NUDT13: variants seen among roughly 807,000 people sequenced by gnomAD.
NUDT13 encodes the protein NAD(P)H pyrophosphatase NUDT13, mitochondrial.
A neutral mutation model predicts 41.7 loss-of-function variants in NUDT13; 40 were observed. The observed-to-expected ratio is 0.96, with a 90% CI of 0.75 to 1.25. The LOEUF is 1.25. Ranked by LOEUF, NUDT13 falls within the 50% of genes most tolerant of loss-of-function variation. The pLI, the probability that NUDT13 is intolerant of heterozygous loss-of-function variation, is 0.00. For missense variants in NUDT13, 390 were observed against 416.1 expected (o/e 0.94, Z 0.55); for synonymous variants, 145 against 155.5 (o/e 0.93, Z 0.50).
At chr10:73,125,074 C>CAAAT (rs750797900) in intron 5 of NUDT13, 44 bp from the exon 6 acceptor site, 41 of 1,568,248 alleles carry the variant, frequency 2.6e-5, no homozygotes, top group Non-Finnish European at 3.4e-5. Context: ...AGATGAGCCC[C>CAAAT]GCATTCTCTC....
In NUDT13 at chr10:73,125,211, T is replaced by C. The variant is rs1164778418; in HGVS notation, c.559T>C (p.Cys187Arg). The change falls in exon 6 of 9, where the codon TGC becomes CGC. Residue 187 changes from cysteine (C) to arginine (R), a missense_variant. Coordinates refer to ENST00000357321, the MANE Select transcript of NUDT13 (RefSeq NM_015901.6). The stretch of plus-strand genomic sequence containing the variant: ...GAACGTGGCTGGCAGCAAGCGTGTG[T>C]GCCCTTCCAATAATATAATCTATTA... ...KKNVAGSKRV[C>R]PSNNIIYYPQ... 1.9e-6 allele frequency: 3 copies of C among 1,612,884 alleles called. No homozygotes were observed. Among genetic ancestry groups the C allele is most frequent in the African/African-American group, 2.7e-5 (2 of 74,718 alleles).
At chr10:73,122,828 C>T (rs531605796) in intron 4 of NUDT13, among the ~76,000 whole-genome samples, 1 of 151,588 alleles carries the variant, frequency 6.6e-6, no homozygotes, top group East Asian at 1.9e-4. Context: ...GCAATCCTCC[C>T]TCCTTGGCCT....
Position 73,120,052 on chromosome 10 carries a change from T to C in NUDT13, c.118T>C (p.Cys40Arg). ...LFELKEDDDA[C>R]KKAQQTGAFY... ...TGAACTGAAGGAAGATGATGATGCA[T>C]GTAAAAAAGCCCAGCAAACAGGAGC... The change falls in exon 3 of 9, where the codon TGT becomes CGT. Residue 40 changes from cysteine to arginine, a missense_variant. Coordinates refer to ENST00000357321, the MANE Select transcript of NUDT13 (RefSeq NM_015901.6). 1 of 1,614,184 alleles carries C rather than the reference T, an allele frequency of 6.2e-7. No individual in the cohort carries two copies. The highest frequency in any genetic ancestry group is 8.5e-7 in the Non-Finnish European group (1 of 1,180,016).
intron 2 of NUDT13, 149 bp downstream of exon 2, chr10:73,114,597 G>GTA (rs1159342570): frequency 4.2e-4 from 100 of 236,408 alleles, no homozygotes; most frequent in Middle Eastern, 3.1e-3. Context: ...GTGTGTGTGT[G>GTA]TATATATATA....
chr10:73,131,326 T>C lies in NUDT13; in HGVS notation c.*423T>C, dbSNP rs1842914293. The C allele has an allele frequency of 5.5e-6, 1 of 183,390 alleles. No homozygotes were observed. The highest frequency in any genetic ancestry group is 1.2e-4 in the South Asian group (1 of 8,360). The allele number at this position is 183,390 out of a possible 1,614,324, so 11.4% of individuals were successfully genotyped here. On this transcript the variant is annotated 3_prime_UTR_variant, in exon 9 of 9. Transcript: ENST00000357321. ...TAGTATTGAAAATATATAGCAAGTT[T>C]TAAGTCATTACTGAGTTACTTGTTA...
rs757036990 is a variant in NUDT13, at chr10:73,125,516, A to C, written c.703+7A>C. The C allele has an allele frequency of 2.6e-6, 4 of 1,538,870 alleles. No individual in the cohort carries two copies. The African/African-American group carries it at 5.5e-5, about 21-fold the overall frequency. ...GCAGGTTTTTGTGATATAGGTGAGG[A>C]GTTTAGGGGATATACAGGTGACACT... On this transcript the variant is annotated splice_region_variant and intron_variant, in intron 7 of 8. Transcript: ENST00000357321.
chr10:73,123,594 C>T (rs1019414240), intron 4 of NUDT13, among the ~76,000 whole-genome samples: 1 of 152,188 alleles, frequency 6.6e-6, no homozygotes, highest in African/African-American at 2.4e-5. Flanking sequence ...CTGGGCCTCA[C>T]TCCATGCCAG....
intron 3 of NUDT13, 32 bp downstream of exon 3, chr10:73,120,189 A>G: frequency 6.2e-7 from 1 of 1,606,196 alleles, no homozygotes; most frequent in Non-Finnish European, 8.5e-7. Context: ...GGCGTTGACC[A>G]GCCTGTGGCC....
At position 73,130,853 on chromosome 10, in the gene NUDT13, CTGAT is replaced by C. The variant is rs1842903243; in HGVS notation, c.1011_1014del (p.Ile338ArgfsTer21). Reference sequence around the variant, plus strand: ...CCCTAAGTTAGCCATCTCCCACCAACTGATTAAGGAGTGGGTGGAAAAACAGACC... The same window carrying C: ...CCCTAAGTTAGCCATCTCCCACCAACTAAGGAGTGGGTGGAAAAACAGACC... On this transcript the variant is annotated frameshift_variant, in exon 9 of 9. Coordinates refer to ENST00000357321, the MANE Select transcript of NUDT13 (RefSeq NM_015901.6). LOFTEE classifies it high-confidence loss of function. 3.7e-6 allele frequency: 6 copies of C among 1,613,882 alleles called. No homozygotes were observed. Among genetic ancestry groups the C allele is most frequent in the Admixed American group, 1.7e-5 (1 of 59,992 alleles).
chr10:73,115,650 A>C (rs1487510457), intron 2 of NUDT13, among the ~76,000 whole-genome samples: 1 of 152,214 alleles, frequency 6.6e-6, no homozygotes, highest in Non-Finnish European at 1.5e-5. Flanking sequence ...GTAAGGGAGA[A>C]ATTAAGTAAA....
chr10:73,114,331 T>C, intron 1 of NUDT13, 26 bp from the exon 2 acceptor site: 2 of 1,231,296 alleles, frequency 1.6e-6, no homozygotes, highest in Non-Finnish European at 2.3e-6. Context: ...TGACTTTTTT[T>C]AAAACTCCTT....
chr10:73,120,202 T>C, intron 3 of NUDT13, 45 bp downstream of exon 3: 1 of 1,580,040 alleles, frequency 6.3e-7, no homozygotes, highest in Non-Finnish European at 8.6e-7. Context: ...CTGTGGCCAC[T>C]ACGCAGAATT....
intron 2 of NUDT13, chr10:73,119,571 C>T (rs560915147): frequency 1.6e-6 from 1 of 641,876 alleles, no homozygotes; most frequent in Non-Finnish European, 1.9e-6. Flanking sequence ...CCTTTCACTC[C>T]ACTGCATGTA....
intron 1 of NUDT13, among the ~76,000 whole-genome samples, chr10:73,112,937 G>T (rs933970883): frequency 6.6e-6 from 1 of 151,722 alleles, no homozygotes; most frequent in African/African-American, 2.4e-5. Context: ...GCCCAGGCTG[G>T]AGTGCAATGG....
intron 2 of NUDT13, among the ~76,000 whole-genome samples, chr10:73,116,486 G>A (rs1271560748): frequency 2.0e-5 from 3 of 152,182 alleles, no homozygotes; most frequent in East Asian, 1.9e-4. Flanking sequence ...GCTCATGCCT[G>A]TAATCCCAGC....
chr10:73,126,706 T>G lies in NUDT13; in HGVS notation c.737T>G (p.Val246Gly). The stretch of plus-strand genomic sequence containing the variant: ...GTGGAAGAGACCATCCGCCGAGAAG[T>G]TGCAGAAGAGGTGGGATTGGAGGTG... ...ESVEETIRREVAEEVGLEVES... is the reference protein window; with the variant it reads ...ESVEETIRREGAEEVGLEVES... The change falls in exon 8 of 9, where the codon GTT becomes GGT. Residue 246 changes from valine (V) to glycine (G), a missense_variant. By Grantham distance (109) the Val-to-Gly change is moderately radical. Coordinates refer to ENST00000357321, the MANE Select transcript of NUDT13 (RefSeq NM_015901.6). 1 of 1,614,028 alleles carries G rather than the reference T, an allele frequency of 6.2e-7. No individual in the cohort carries two copies. The highest frequency in any genetic ancestry group is 8.5e-7 in the Non-Finnish European group (1 of 1,179,962).
intron 1 of NUDT13, among the ~76,000 whole-genome samples, chr10:73,111,199 C>T (rs370837177): frequency 5.3e-4 from 81 of 152,172 alleles, no homozygotes; most frequent in African/African-American, 2.0e-3. Context: ...AGGATGGTCT[C>T]GATCTCCTGA....
At chr10:73,111,409 T>C (rs1842364881) in intron 1 of NUDT13, among the ~76,000 whole-genome samples, 1 of 148,256 alleles carries the variant, frequency 6.7e-6, no homozygotes. Flanking sequence ...AGTCTCGCTC[T>C]GTCGCCCAGG....
At chr10:73,114,316 T>A in intron 1 of NUDT13, 41 bp from the exon 2 acceptor site, 1 of 1,020,428 alleles carries the variant, frequency 9.8e-7, no homozygotes, top group African/African-American at 1.6e-5. Flanking sequence ...TTAAATTTCA[T>A]ATTATGACTT....
Sources: gnomAD v4.1 joint callset for allele counts (sites outside exome capture counted in the v4.1 genomes callset) on GRCh38, gnomAD v4.1.1 for gene constraint, MANE v1.5 for transcripts, NCBI Gene and HGNC (gene_info 2026-07-23, HGNC 2026-07-21) for gene names.